The following NFXL1 variants were observed in gnomAD, a reference collection of about 807,000 sequenced individuals.
NFXL1 encodes NF-X1-type zinc finger protein NFXL1.
NFXL1 carries 66 observed loss-of-function variants against 123.3 expected under a neutral mutation model. The observed-to-expected ratio is 0.54, with a 90% CI of 0.44 to 0.66. The LOEUF is 0.66. Among genes scored for constraint, NFXL1 ranks in the 30% least tolerant of loss-of-function variants. The probability of loss-of-function intolerance (pLI) is 0.00; values close to 1 mark genes in which losing one functional copy is unlikely to be tolerated. For synonymous variants in NFXL1, 346 were observed against 360.8 expected (o/e 0.96, Z 0.46); for missense variants, 944 against 1,125.6 (o/e 0.84, Z 2.31).
intron 14 of NFXL1, 30 bp downstream of exon 14, chr4:47,885,468 A>T (rs1237053699): frequency 1.3e-6 from 2 of 1,559,116 alleles, no homozygotes; most frequent in South Asian, 2.3e-5. Context: ...ACAGCAATGC[A>T]CTATTTCTCT....
intron 18 of NFXL1, among the ~76,000 whole-genome samples, chr4:47,873,138 A>C (rs1465570742): frequency 6.6e-6 from 1 of 152,212 alleles, no homozygotes; most frequent in African/African-American, 2.4e-5. Flanking sequence ...AGATTGCAAC[A>C]ATTCAGTCCC....
At chr4:47,863,787 AC>A (rs1345211735) in intron 18 of NFXL1, among the ~76,000 whole-genome samples, 2 of 152,254 alleles carry the variant, frequency 1.3e-5, no homozygotes, top group African/African-American at 4.8e-5. Flanking sequence ...GAAAAAAGTC[AC>A]AAACACCAAG....
chr4:47,869,753 C>A (rs551027319), intron 18 of NFXL1, among the ~76,000 whole-genome samples: 22 of 151,596 alleles, frequency 1.5e-4, no homozygotes, highest in Non-Finnish European at 2.8e-4. Context: ...ATGTGGTAAA[C>A]CATAAAAGAA....
intron 11 of NFXL1, 111 bp from the exon 12 acceptor site, chr4:47,890,814 A>T (rs1363750612): frequency 8.2e-6 from 5 of 607,426 alleles, no homozygotes; most frequent in Non-Finnish European, 1.5e-5. Flanking sequence ...CTTTTCACTA[A>T]AAGAAGTATT....
intron 5 of NFXL1, 69 bp downstream of exon 5, chr4:47,903,124 G>C: frequency 8.7e-7 from 1 of 1,151,866 alleles, no homozygotes; most frequent in Non-Finnish European, 1.2e-6. Context: ...CTGCACTCCA[G>C]CCTGCGTGAC....
intron 20 of NFXL1, 136 bp downstream of exon 20, chr4:47,854,923 A>G (rs1734318451): frequency 2.3e-6 from 1 of 428,720 alleles, no homozygotes; most frequent in Non-Finnish European, 4.2e-6. Flanking sequence ...ATGAAGTAAA[A>G]CCTCAAAATT....
At chr4:47,897,422 CA>C (rs1347761619) in intron 9 of NFXL1, among the ~76,000 whole-genome samples, 4 of 152,206 alleles carry the variant, frequency 2.6e-5, no homozygotes, top group South Asian at 2.1e-4. Flanking sequence ...TGTGGAGAGT[CA>C]AAAAAGCTTA....
intron 17 of NFXL1, chr4:47,877,014 A>G (rs370014343): frequency 1.7e-6 from 2 of 1,210,470 alleles, no homozygotes; most frequent in East Asian, 5.7e-5. Context: ...AAGTTCACCT[A>G]AAGAGTTTAT....
intron 22 of NFXL1, among the ~76,000 whole-genome samples, chr4:47,849,833 A>G (rs956845884): frequency 1.3e-5 from 2 of 152,196 alleles, no homozygotes; most frequent in East Asian, 3.8e-4. Flanking sequence ...GGATTTGCAA[A>G]TAACACACAA....
At chr4:47,880,277 C>T (rs544633928) in intron 15 of NFXL1, among the ~76,000 whole-genome samples, 9 of 151,554 alleles carry the variant, frequency 5.9e-5, no homozygotes, top group Middle Eastern at 3.4e-3. Context: ...TAATAGTGCA[C>T]GCCTAGTCCC....
chr4:47,905,333 A>C lies in NFXL1; in HGVS notation c.420T>G (p.Arg140=). ...TYTTQTDGDT[R]ELERTKQYVN... is the part of the protein sequence containing the mutation. ...CATATTGTTTTGTTCGCTCTAATTCACGTGTATCTCCATCTGGAAATTTAA... is the reference window on the plus strand; with the variant it reads ...CATATTGTTTTGTTCGCTCTAATTCCCGTGTATCTCCATCTGGAAATTTAA... The change falls in exon 4 of 23, where the codon CGT becomes CGG. Residue 140 remains arginine (R), a synonymous_variant. Coordinates refer to ENST00000507489, the MANE Select transcript of NFXL1 (RefSeq NM_001278624.2). 6.4e-7 allele frequency: 1 copy of C among 1,554,882 alleles called. No individual in the cohort carries two copies. Among genetic ancestry groups the C allele is most frequent in the South Asian group, 1.1e-5 (1 of 88,848 alleles).
intron 5 of NFXL1, among the ~76,000 whole-genome samples, chr4:47,902,830 T>A (rs1003022077): frequency 6.6e-6 from 1 of 152,188 alleles, no homozygotes; most frequent in Non-Finnish European, 1.5e-5. Context: ...TAAAGCAACT[T>A]AGAATCTACA....
intron 19 of NFXL1, among the ~76,000 whole-genome samples, chr4:47,862,091 T>C (rs976721319): frequency 1.3e-5 from 2 of 152,204 alleles, no homozygotes; most frequent in Non-Finnish European, 2.9e-5. Flanking sequence ...AATCCAAAAG[T>C]GCATCTTCCC....
intron 15 of NFXL1, chr4:47,882,378 T>A (rs766397032): frequency 6.6e-6 from 1 of 152,182 alleles, no homozygotes; most frequent in Non-Finnish European, 1.5e-5. Context: ...GGCATACACA[T>A]TTCCATTTCT....
chr4:47,911,776 C>T (rs1012153068), intron 2 of NFXL1, among the ~76,000 whole-genome samples: 2 of 152,188 alleles, frequency 1.3e-5, no homozygotes, highest in Non-Finnish European at 2.9e-5. Context: ...CTTCACTGCA[C>T]ATACTCCCAA....
In NFXL1 at chr4:47,890,545, A is replaced by T. The variant is rs1736704266; in HGVS notation, c.1543+68T>A. On this transcript the variant is annotated intron_variant, in intron 12 of 22. Coordinates refer to ENST00000507489, the MANE Select transcript of NFXL1 (RefSeq NM_001278624.2). ...GCTATTTCAATACATTATATTGAATATTGACAATGAAAAAAAAAACCACTA... is the reference window on the plus strand; with the variant it reads ...GCTATTTCAATACATTATATTGAATTTTGACAATGAAAAAAAAAACCACTA... 3 of 806,322 alleles carry T rather than the reference A, an allele frequency of 3.7e-6. No homozygotes were observed. In the South Asian group the frequency reaches 4.6e-5, roughly 12 times the overall value. The allele number at this position is 806,322 out of a possible 1,614,324, so 49.9% of individuals were successfully genotyped here.
chr4:47,871,947 C>T (rs561325668), intron 18 of NFXL1, among the ~76,000 whole-genome samples: 5 of 152,196 alleles, frequency 3.3e-5, no homozygotes, highest in South Asian at 4.2e-4. Flanking sequence ...GCTCACTTTA[C>T]GGACTGGAGT....
intron 9 of NFXL1, among the ~76,000 whole-genome samples, chr4:47,897,739 T>C (rs1229334035): frequency 3.9e-5 from 6 of 152,150 alleles, no homozygotes; most frequent in Non-Finnish European, 8.8e-5. Flanking sequence ...TCTATGTCTC[T>C]CCTATTCATC....
chr4:47,888,222 CG>C (rs1159963269), intron 12 of NFXL1, among the ~76,000 whole-genome samples: 2 of 152,098 alleles, frequency 1.3e-5, no homozygotes, highest in Admixed American at 1.3e-4. Flanking sequence ...TGCAGTGAGC[CG>C]GGATTGCGCC....
Sources: allele counts gnomAD v4.1 joint callset (sites outside exome capture counted in the v4.1 genomes callset), GRCh38; gene constraint gnomAD v4.1.1; transcripts MANE v1.5; gene names NCBI Gene and HGNC (gene_info 2026-07-23, HGNC 2026-07-21).